USP9X: variants seen among roughly 807,000 people sequenced by gnomAD.
The protein encoded by USP9X is ubiquitin specific peptidase 9 X-linked.
USP9X carries 7 observed loss-of-function variants against 190.3 expected under a neutral mutation model. That is an observed-to-expected ratio of 0.04 (90% CI 0.02 to 0.07). The LOEUF (loss-of-function observed/expected upper bound fraction) is 0.07. USP9X is among the 10% of genes least tolerant of loss of function. USP9X has a pLI of 1.00. For synonymous variants in USP9X, 645 were observed against 659.5 expected, an observed-to-expected ratio of 0.98 and a Z score of 0.34; for missense variants, 1,010 against 1,916.9, an observed-to-expected ratio of 0.53 and a Z score of 8.83.
intron 32 of USP9X, among the ~76,000 whole-genome samples, chrX:41,207,006 G>A (rs189884298): frequency 4.8e-5 from 5 of 105,032 alleles, no homozygotes; most frequent in Admixed American, 2.1e-4. Context: ...GTCTGGTCTC[G>A]AACTCCTGAC....
intron 9 of USP9X, 91 bp downstream of exon 9, chrX:41,141,522 C>G: frequency 1.5e-5 from 13 of 892,731 alleles, no homozygotes; most frequent in Non-Finnish European, 1.9e-5. Context: ...GTAATAGTAA[C>G]ATTTTAAAGT....
Position 41,225,078 on chromosome X carries a change from G to T in USP9X, c.7002G>T (p.Arg2334=). The change falls in exon 41 of 45, where the codon CGG becomes CGT. Residue 2334 remains arginine, a synonymous_variant. Transcript: ENST00000378308. ...QVAYSYTYEL[R]PYLDLLLQIL... is the part of the protein sequence containing the mutation. ...CATATTCCTATACCTATGAACTGCG[G>T]CCCTATTTGGATCTGCTTTTGCAAA... The T allele has an allele frequency of 1.7e-6, 2 of 1,211,528 alleles. No homozygotes were observed. The highest frequency in any genetic ancestry group is 2.2e-6 in the Non-Finnish European group (2 of 895,380).
intron 1 of USP9X, among the ~76,000 whole-genome samples, chrX:41,105,191 T>G (rs2062060904): frequency 9.0e-6 from 1 of 111,284 alleles, no homozygotes; most frequent in Admixed American, 9.6e-5. Context: ...AGACAGAGCA[T>G]GTGGCCTGAC....
intron 1 of USP9X, among the ~76,000 whole-genome samples, chrX:41,090,055 C>T (rs2061944338): frequency 9.4e-6 from 1 of 106,498 alleles, no homozygotes; most frequent in South Asian, 4.2e-4. Flanking sequence ...ACAGGTGCTC[C>T]CATGCCTGGC....
intron 24 of USP9X, among the ~76,000 whole-genome samples, 181 bp downstream of exon 24, chrX:41,186,823 T>C (rs2062881119): frequency 2.0e-5 from 2 of 99,210 alleles, no homozygotes; most frequent in Admixed American, 2.1e-4. Context: ...AGTATACAGA[T>C]GGGGTGATTT....
chrX:41,222,176 T>G (rs1195097900), intron 38 of USP9X, among the ~76,000 whole-genome samples: 1 of 112,090 alleles, frequency 8.9e-6, no homozygotes, highest in Non-Finnish European at 1.9e-5. Flanking sequence ...ATCATCTGAA[T>G]GAAGATATCT....
intron 16 of USP9X, 36 bp downstream of exon 16, chrX:41,166,250 G>A (rs2062677491): frequency 2.0e-6 from 2 of 1,002,131 alleles, no homozygotes; most frequent in African/African-American, 3.9e-5. Context: ...AATGGTGTCT[G>A]ATGTACTTTT....
intron 14 of USP9X, among the ~76,000 whole-genome samples, chrX:41,154,197 AAC>A (rs1387588711): frequency 9.0e-6 from 1 of 111,697 alleles, no homozygotes; most frequent in Non-Finnish European, 1.9e-5. Flanking sequence ...GCTGATGAGG[AAC>A]AGACAGTGAT....
chrX:41,187,829 C>CTTTT (rs371008986), intron 24 of USP9X, among the ~76,000 whole-genome samples, 163 bp from the exon 25 acceptor site: 2 of 91,642 alleles, frequency 2.2e-5, no homozygotes, highest in African/African-American at 3.9e-5. Context: ...CCGCCCCCAC[C>CTTTT]TTTTTTTTTT....
In USP9X at chrX:41,193,672, T is replaced by A. The variant is rs752662410; in HGVS notation, c.3978-2579T>A. ...GAACGAGACCCAGTCTCAAAAAAAATTTTTTTTTAGCTGGATGTGGTAGCA... is the reference window on the plus strand; with the variant it reads ...GAACGAGACCCAGTCTCAAAAAAAAATTTTTTTTAGCTGGATGTGGTAGCA... On this transcript the variant is annotated intron_variant, in intron 26 of 44. Transcript: ENST00000378308. Among the ~76,000 whole-genome samples the A allele has an allele frequency of 2.8e-3, 306 of 109,722 alleles. 3 individuals carry two copies. Among genetic ancestry groups the A allele is most frequent in the African/African-American group, 9.7e-3 (292 of 30,162 alleles).
chrX:41,100,894 G>A (rs910453182), intron 1 of USP9X, among the ~76,000 whole-genome samples: 4 of 110,516 alleles, frequency 3.6e-5, no homozygotes, highest in Admixed American at 9.7e-5. Flanking sequence ...TGATCCACCC[G>A]CCTCAGCCTC....
intron 1 of USP9X, among the ~76,000 whole-genome samples, chrX:41,108,069 C>T (rs2062082891): frequency 8.9e-6 from 1 of 111,741 alleles, no homozygotes; most frequent in South Asian, 3.7e-4. Flanking sequence ...AAAACTGGAC[C>T]TTTTATATAA....
chrX:41,106,637 TCTC>T (rs1421601213), intron 1 of USP9X, among the ~76,000 whole-genome samples: 3 of 102,045 alleles, frequency 2.9e-5, no homozygotes, highest in Non-Finnish European at 4.0e-5. Flanking sequence ...TTCAAGCACT[TCTC>T]CTGCCTCAAC....
chrX:41,208,036 G>C (rs1035625646), intron 32 of USP9X, among the ~76,000 whole-genome samples: 1 of 108,863 alleles, frequency 9.2e-6, no homozygotes, highest in Non-Finnish European at 1.9e-5. Flanking sequence ...GCTTATACTG[G>C]GTTTTTTTTT....
rs1203359366 is a variant in USP9X, at chrX:41,201,154, T to C, written c.4698T>C (p.Cys1566=). The C allele has an allele frequency of 4.1e-6, 5 of 1,211,718 alleles. No individual in the cohort carries two copies. Among genetic ancestry groups the C allele is most frequent in the Admixed American group, 2.2e-5 (1 of 45,980 alleles). Residue 1566 remains cysteine (C), a synonymous_variant, in exon 31 of 45, where the codon TGT becomes TGC. Transcript: ENST00000378308. ...GGCTGAAAAATGCCGGTGCTACTTGTTACATGAATTCTGTGATTCAGCAAC... is the reference window on the plus strand; with the variant it reads ...GGCTGAAAAATGCCGGTGCTACTTGCTACATGAATTCTGTGATTCAGCAAC... ...FVGLKNAGAT[C]YMNSVIQQLY... is the part of the protein sequence containing the mutation.
rs759001026 is a variant in USP9X, at chrX:41,170,111, G to A, written c.2753G>A (p.Cys918Tyr). The part of the protein sequence containing the change: ...TNDTIGSVRR[C>Y]ILNRIKANVA... ...GATACAATTGGTTCAGTACGACGAT[G>A]TATTCTCAATCGTATTAAAGCCAAC... The change falls in exon 19 of 45, where the codon TGT becomes TAT. Residue 918 changes from cysteine to tyrosine, a missense_variant. Cys to Tyr is a radical substitution (Grantham distance 194). Coordinates refer to ENST00000378308, the MANE Select transcript of USP9X (RefSeq NM_001039591.3). 8.3e-7 allele frequency: 1 copy of A among 1,211,865 alleles called. No homozygotes were observed. The highest frequency in any genetic ancestry group is 1.8e-5 in the South Asian group (1 of 57,023).
chrX:41,131,836 TATACA>T (rs929208340), intron 4 of USP9X, among the ~76,000 whole-genome samples: 1 of 112,020 alleles, frequency 8.9e-6, no homozygotes, highest in Non-Finnish European at 1.9e-5. Context: ...TGGGAAATAC[TATACA>T]AAAGAACATT....
Position 41,218,969 on chromosome X carries a change from ATAGTT to A in USP9X, c.6436-126_6436-122del, listed in dbSNP as rs770549926. On this transcript the variant is annotated intron_variant, in intron 37 of 44. Transcript: ENST00000378308. ...TTCATTCCCTTTCCCAAGAAGCAAA[ATAGTT>A]TAGTTTGTGTGATCAGTCCTTCCAT... 134 of 643,463 alleles carry A rather than the reference ATAGTT, an allele frequency of 2.1e-4. No individual in the cohort carries two copies. In the East Asian group the frequency reaches 3.3e-3, roughly 16 times the overall value. The allele number at this position is 643,463 out of a possible 1,213,427, so 53.0% of individuals were successfully genotyped here.
At chrX:41,089,065 G>A (rs893098088) in intron 1 of USP9X, among the ~76,000 whole-genome samples, 1 of 112,398 alleles carries the variant, frequency 8.9e-6, no homozygotes, top group Non-Finnish European at 1.9e-5. Flanking sequence ...TAAAAGCATT[G>A]TGGATGATTC....
Sources: gnomAD v4.1 joint callset for allele counts (sites outside exome capture counted in the v4.1 genomes callset) on GRCh38, gnomAD v4.1.1 for gene constraint, MANE v1.5 for transcripts, NCBI Gene and HGNC (gene_info 2026-07-23, HGNC 2026-07-21) for gene names.